Variants in ADAMTS7 observed in about 807,000 individuals in gnomAD.
The protein encoded by ADAMTS7 is A disintegrin and metalloproteinase with thrombospondin motifs 7.
ADAMTS7 carries 89 observed loss-of-function variants against 172.6 expected under a neutral mutation model. The ratio of observed to expected loss-of-function variants is 0.52; its 90% CI spans 0.43 to 0.61. ADAMTS7 has a LOEUF of 0.61. Among genes scored for constraint, ADAMTS7 ranks in the 20% least tolerant of loss-of-function variants. ADAMTS7 has a pLI of 0.00. For missense variants in ADAMTS7, 1,973 were observed against 2,355.6 expected (o/e 0.84, Z 3.36); for synonymous variants, 885 against 978.4 (o/e 0.90, Z 1.78).
At chr15:78,769,678 T>A (rs1400490347) in intron 16 of ADAMTS7, among the ~76,000 whole-genome samples, 3 of 152,314 alleles carry the variant, frequency 2.0e-5, no homozygotes. Flanking sequence ...CCCGCCAGCT[T>A]AGACTGTGCA....
At chr15:78,805,256 G>C (rs1455738679) in intron 1 of ADAMTS7, among the ~76,000 whole-genome samples, 1 of 152,222 alleles carries the variant, frequency 6.6e-6, no homozygotes, top group Non-Finnish European at 1.5e-5. Context: ...GTGCAGATTT[G>C]CTTGTGTTGA....
At position 78,800,304 on chromosome 15, in the gene ADAMTS7, C is replaced by A; in HGVS notation, c.344G>T (p.Gly115Val). The change falls in exon 2 of 24, where the codon GGC (glycine) becomes GTC (valine). Residue 115 changes from glycine to valine, a missense_variant. Coordinates refer to ENST00000388820, the MANE Select transcript of ADAMTS7 (RefSeq NM_014272.5). ...GGCCCGGATGTGCGCGCGGCCCAGG[C>A]CGCCGCGCCGCCGCGTCTCGCTCAC... ...GFVSETRRRG[G>V]LGRAHIRAHT... The A allele has an allele frequency of 1.3e-6, 2 of 1,586,720 alleles. No homozygotes were observed. The highest frequency in any genetic ancestry group is 1.8e-5 in the Admixed American group (1 of 56,800).
intron 5 of ADAMTS7, 134 bp from the exon 6 acceptor site, chr15:78,790,928 C>T: frequency 7.1e-7 from 1 of 1,398,688 alleles, no homozygotes; most frequent in African/African-American, 1.4e-5. Context: ...AGTCGAGCTT[C>T]CAGCCTGACC....
chr15:78,800,213 G>A lies in ADAMTS7; in HGVS notation c.435C>T (p.Ala145=), dbSNP rs746807355. ...QDPELEGGLA[A]ISACDGLKGV... is the part of the protein sequence containing the mutation. ...TCACCAGGCCGTCGCAGGCGCTGAT[G>A]GCCGCCAGGCCACCCTCGAGCTCAG... The change falls in exon 2 of 24, where the codon GCC becomes GCT. Residue 145 remains alanine (A), a synonymous_variant. Transcript: ENST00000388820. 1.9e-5 allele frequency: 30 copies of A among 1,594,050 alleles called. No homozygotes were observed. The highest frequency in any genetic ancestry group is 2.5e-5 in the Non-Finnish European group (29 of 1,178,616).
rs893434748 is a variant in ADAMTS7, at chr15:78,771,700, G to T, written c.2261C>A (p.Thr754Asn). ...CTGGTAGTCCCCGTTCCACTGGATGGTCCAGCCACCATTGAGGAAGTACTT... is the reference window on the plus strand; with the variant it reads ...CTGGTAGTCCCCGTTCCACTGGATGTTCCAGCCACCATTGAGGAAGTACTT... ...PEKYFLNGGWTIQWNGDYQVA... is the reference protein window; with the variant it reads ...PEKYFLNGGWNIQWNGDYQVA... The change falls in exon 15 of 24, where the codon ACC becomes AAC. Residue 754 changes from threonine to asparagine, a missense_variant. This residue lies in a region of ADAMTS7 where 771 missense variants were observed against 952.6 expected (regional missense o/e 0.81). Transcript: ENST00000388820. This position sits in a 1 kb window ranked among gnomAD's most constrained non-coding sequence, Gnocchi z 4.9. The T allele has an allele frequency of 1.2e-6, 2 of 1,606,838 alleles. No homozygotes were observed. Among genetic ancestry groups the T allele is most frequent in the African/African-American group, 1.3e-5 (1 of 74,878 alleles).
At position 78,800,185 on chromosome 15, in the gene ADAMTS7, C is replaced by T. The variant is rs569992385; in HGVS notation, c.456+7G>A. 12 of 1,591,490 alleles carry T rather than the reference C, an allele frequency of 7.5e-6. No homozygotes were observed. The highest frequency in any genetic ancestry group is 1.7e-6 in the Non-Finnish European group (2 of 1,176,868). Reference sequence around the variant, plus strand: ...TGCCCCAAGTATACATGTCCCAGCTCACTCACCAGGCCGTCGCAGGCGCTG... The same window carrying T: ...TGCCCCAAGTATACATGTCCCAGCTTACTCACCAGGCCGTCGCAGGCGCTG... On this transcript the variant is annotated splice_region_variant and intron_variant, in intron 2 of 23. Transcript: ENST00000388820.
At position 78,771,961 on chromosome 15, in the gene ADAMTS7, A is replaced by C; in HGVS notation, c.2132-132T>G. ...AAGCTTTAAAGTCTGAGCTCCCTAA[A>C]TTGCTCGGATCTGTCATGGGTCACC... On this transcript the variant is annotated intron_variant, in intron 14 of 23. Coordinates refer to ENST00000388820, the MANE Select transcript of ADAMTS7 (RefSeq NM_014272.5). This position sits in a 1 kb window ranked among gnomAD's most constrained non-coding sequence, Gnocchi z 4.9. 1.5e-6 allele frequency: 2 copies of C among 1,339,158 alleles called. No homozygotes were observed. The highest frequency in any genetic ancestry group is 2.0e-6 in the Non-Finnish European group (2 of 997,412). 83.0% of individuals were successfully genotyped at this position (1,339,158 alleles called of 1,614,324 possible). A position where few individuals can be genotyped will look rare whatever the true frequency, so the allele number is the denominator to read the frequency against.
In ADAMTS7 at chr15:78,796,738, T is replaced by A. The variant is rs758222482; in HGVS notation, c.671A>T (p.Gln224Leu). ...ACGCCTCAGCCGTGGCCGCCGCCAC[T>A]GCTGCCGCTGCTCCCAACGCTCCCG... ...SRRERWEQRQQWRRPRLRRLH... is the reference protein window; with the variant it reads ...SRRERWEQRQLWRRPRLRRLH... Residue 224 changes from glutamine (Q) to leucine (L), a missense_variant, in exon 4 of 24, where the codon CAG becomes CTG. Around this residue, in one of 8 missense-constraint regions of ADAMTS7, gnomAD observed 526 missense variants for 662.9 expected, o/e 0.79. Transcript: ENST00000388820. The A allele has an allele frequency of 3.1e-6, 5 of 1,612,062 alleles. No individual in the cohort carries two copies. In the Admixed American group the frequency reaches 8.3e-5, roughly 27 times the overall value.
In ADAMTS7 at chr15:78,796,677, C is replaced by T; in HGVS notation, c.732G>A (p.Val244=). 1 of 1,614,100 alleles carries T rather than the reference C, an allele frequency of 6.2e-7. No individual in the cohort carries two copies. Among genetic ancestry groups the T allele is most frequent in the Non-Finnish European group, 8.5e-7 (1 of 1,180,014 alleles). The part of the protein sequence containing the change: ...HQRSVSKEKW[V]ETLVVADAKM... ...TGGCATCAGCTACTACCAGGGTCTC[C>T]ACCCACTTCTCTTTGCTGACCGACC... Residue 244 remains valine, a synonymous_variant, in exon 4 of 24, where the codon GTG becomes GTA. Coordinates refer to ENST00000388820, the MANE Select transcript of ADAMTS7 (RefSeq NM_014272.5).
At chr15:78,808,029 A>AT (rs1245010701) in intron 1 of ADAMTS7, among the ~76,000 whole-genome samples, 1 of 151,750 alleles carries the variant, frequency 6.6e-6, no homozygotes, top group African/African-American at 2.4e-5. Flanking sequence ...TAATTTTTAA[A>AT]TTTTTTTGTA....
intron 4 of ADAMTS7, among the ~76,000 whole-genome samples, chr15:78,792,048 T>C (rs571336396): frequency 2.0e-5 from 3 of 151,918 alleles, no homozygotes; most frequent in Non-Finnish European, 4.4e-5. Flanking sequence ...CAGTTGTGAG[T>C]TGGCTTCTAG....
intron 4 of ADAMTS7, among the ~76,000 whole-genome samples, chr15:78,793,194 A>C (rs2055603610): frequency 6.6e-6 from 1 of 152,132 alleles, no homozygotes; most frequent in South Asian, 2.1e-4. Flanking sequence ...GCTCAAAGAG[A>C]GGGTAAAACT....
At chr15:78,780,818 C>T (rs1363642810) in intron 8 of ADAMTS7, among the ~76,000 whole-genome samples, 2 of 152,246 alleles carry the variant, frequency 1.3e-5, no homozygotes, top group African/African-American at 4.8e-5. Flanking sequence ...GGCTCCTTCT[C>T]CGAGTCACTG....
chr15:78,798,218 C>T (rs2055672568), intron 2 of ADAMTS7, 105 bp from the exon 3 acceptor site: 6 of 1,113,664 alleles, frequency 5.4e-6, no homozygotes, highest in Middle Eastern at 3.0e-4. Context: ...ACTGCCCACA[C>T]CACCTGTGAC....
chr15:78,793,042 C>CA (rs1812581416), intron 4 of ADAMTS7, among the ~76,000 whole-genome samples: 1 of 151,804 alleles, frequency 6.6e-6, no homozygotes, highest in Admixed American at 6.6e-5. Flanking sequence ...CTGCAGCAGC[C>CA]AAAAAAATAG....
At chr15:78,787,881 C>T (rs755645558) in intron 8 of ADAMTS7, among the ~76,000 whole-genome samples, 4 of 152,130 alleles carry the variant, frequency 2.6e-5, no homozygotes, top group Admixed American at 6.5e-5. Context: ...AAAGCTCTCC[C>T]GCTCCTTTAC....
Position 78,771,836 on chromosome 15 carries a change from G to T in ADAMTS7, c.2132-7C>A. ...AGCCCCACATCCACATACCCTGTCAGCCAAGGGTTGTGCATAGGTTGTGCC... is the reference window on the plus strand; with the variant it reads ...AGCCCCACATCCACATACCCTGTCATCCAAGGGTTGTGCATAGGTTGTGCC... On this transcript the variant is annotated splice_polypyrimidine_tract_variant and splice_region_variant and intron_variant, in intron 14 of 23. Coordinates refer to ENST00000388820, the MANE Select transcript of ADAMTS7 (RefSeq NM_014272.5). The surrounding 1 kb of genome is among the most constrained non-coding windows in gnomAD (Gnocchi z 4.9). 1 of 1,608,390 alleles carries T rather than the reference G, an allele frequency of 6.2e-7. No homozygotes were observed.
chr15:78,808,602 G>T (rs957386564), intron 1 of ADAMTS7, among the ~76,000 whole-genome samples: 2 of 151,466 alleles, frequency 1.3e-5, no homozygotes, highest in African/African-American at 4.9e-5. Flanking sequence ...AAAGTGCAGG[G>T]GTAAGTTTAA....
rs1596199718 is a variant in ADAMTS7 at position 78,800,134 on chromosome 15, A to T, written c.456+58T>A. Reference sequence around the variant, plus strand: ...ACAAGTGCGTGGCAAGGCTAGAGCCAATCTGCACATCCCACCACCCGAGAC... The same window carrying T: ...ACAAGTGCGTGGCAAGGCTAGAGCCTATCTGCACATCCCACCACCCGAGAC... On this transcript the variant is annotated intron_variant, in intron 2 of 23. Transcript: ENST00000388820. 1.6e-5 allele frequency: 23 copies of T among 1,457,198 alleles called. 1 individual carries two copies. The highest frequency in any genetic ancestry group is 2.1e-5 in the Non-Finnish European group (23 of 1,072,376). The allele number at this position is 1,457,198 out of a possible 1,614,324, so 90.3% of individuals were successfully genotyped here. A position where few individuals can be genotyped will look rare whatever the true frequency, so the allele number is the denominator to read the frequency against.
Sources: gnomAD v4.1 joint callset for allele counts (sites outside exome capture counted in the v4.1 genomes callset) on GRCh38, gnomAD v4.1.1 for gene constraint, gnomAD v4.1.1 regional missense constraint, Gnocchi (gnomAD v3.1) non-coding constraint, MANE v1.5 for transcripts, NCBI Gene and HGNC (gene_info 2026-07-23, HGNC 2026-07-21) for gene names.